The following CELF2 variants were observed in gnomAD, a reference collection of about 807,000 sequenced individuals.
The protein encoded by CELF2 is CUG triplet repeat RNA-binding protein 2.
Under a neutral mutation model 62.6 loss-of-function variants are expected in CELF2, and 8 were observed. That is an observed-to-expected ratio of 0.13 (90% CI 0.07 to 0.23). The LOEUF (loss-of-function observed/expected upper bound fraction) is 0.23. Among genes scored for constraint, CELF2 ranks in the 10% least tolerant of loss-of-function variants. The pLI, the probability that CELF2 is intolerant of heterozygous loss-of-function variation, is 1.00. For synonymous variants in CELF2, 258 were observed against 250.0 expected (o/e 1.03, Z -0.30); for missense variants, 333 against 671.0 (o/e 0.50, Z 5.56).
chr10:10,979,912 GAA>G (rs1037916225), intron 2 of CELF2, among the ~76,000 whole-genome samples: 26 of 152,160 alleles, frequency 1.7e-4, no homozygotes, highest in Non-Finnish European at 2.4e-4. Context: ...TTTTTGATAA[GAA>G]GAGATTCTCT....
intron 2 of CELF2, among the ~76,000 whole-genome samples, chr10:10,977,315 C>T (rs1157862172): frequency 2.0e-5 from 3 of 152,182 alleles, no homozygotes; most frequent in Non-Finnish European, 4.4e-5. Context: ...CTTAGTGATG[C>T]TGCAGGTCCA....
intron 1 of CELF2, among the ~76,000 whole-genome samples, chr10:10,817,263 C>T (rs935211864): frequency 2.0e-5 from 3 of 152,112 alleles, no homozygotes; most frequent in African/African-American, 7.2e-5. Context: ...TGTTTTGATA[C>T]AGGCATGCAA....
At chr10:10,940,172 C>T (rs1176442570) in intron 2 of CELF2, among the ~76,000 whole-genome samples, 3 of 152,210 alleles carry the variant, frequency 2.0e-5, no homozygotes, top group African/African-American at 4.8e-5. Context: ...CTCTATATGT[C>T]AGCTACCTTA....
chr10:11,101,305 G>T (rs905971906), intron 1 of CELF2, among the ~76,000 whole-genome samples: 1 of 152,158 alleles, frequency 6.6e-6, no homozygotes, highest in African/African-American at 2.4e-5. Flanking sequence ...ATAGAAAATA[G>T]GATGTACAGA....
the CELF2 span, among the ~76,000 whole-genome samples, chr10:10,741,786 T>C: frequency 1.6e-4 from 25 of 152,190 alleles, no homozygotes; most frequent in African/African-American, 5.3e-4. Flanking sequence ...TTGAAATTAC[T>C]TGTCATAGGG....
the CELF2 span, among the ~76,000 whole-genome samples, chr10:10,547,748 G>C: frequency 6.6e-6 from 1 of 150,554 alleles, no homozygotes; most frequent in South Asian, 2.1e-4. Context: ...CAATAAGCTT[G>C]TAAATGTCCA....
At chr10:10,588,709 C>A in the CELF2 span, among the ~76,000 whole-genome samples, 20 of 152,228 alleles carry the variant, frequency 1.3e-4, no homozygotes, top group African/African-American at 4.6e-4. Flanking sequence ...CAAAATAGGT[C>A]AAGGGGTAAA....
At chr10:10,605,452 A>G in the CELF2 span, among the ~76,000 whole-genome samples, 1 of 152,152 alleles carries the variant, frequency 6.6e-6, no homozygotes, top group South Asian at 2.1e-4. Context: ...TAAAAACATA[A>G]CTCCTACTAT....
intron 1 of CELF2, among the ~76,000 whole-genome samples, chr10:11,025,438 A>G (rs1465090885): frequency 6.6e-6 from 1 of 151,964 alleles, no homozygotes; most frequent in Non-Finnish European, 1.5e-5. Flanking sequence ...ACGAGATCCG[A>G]TGGTTTTATA....
chr10:10,575,971 A>C, the CELF2 span, among the ~76,000 whole-genome samples: 2 of 152,312 alleles, frequency 1.3e-5, no homozygotes, highest in East Asian at 3.9e-4. Context: ...ATCAAAGTAG[A>C]TTTTAAATCA....
chr10:10,496,839 A>G, the CELF2 span, among the ~76,000 whole-genome samples: 1 of 152,146 alleles, frequency 6.6e-6, no homozygotes, highest in Non-Finnish European at 1.5e-5. Context: ...AGGGAGGGTC[A>G]ATAATGAAGG....
At chr10:11,245,735 T>C (rs751074435) in intron 3 of CELF2, among the ~76,000 whole-genome samples, 1 of 152,210 alleles carries the variant, frequency 6.6e-6, no homozygotes, top group African/African-American at 2.4e-5. Flanking sequence ...GATCAGGTCC[T>C]ACAGGAGTTG....
chr10:10,955,644 G>T (rs1260039193), intron 2 of CELF2, among the ~76,000 whole-genome samples: 1 of 152,152 alleles, frequency 6.6e-6, no homozygotes, highest in Non-Finnish European at 1.5e-5. Flanking sequence ...CTGCGCCCAG[G>T]TCACACAGCG....
At chr10:11,141,258 G>A (rs1336739345) in intron 1 of CELF2, among the ~76,000 whole-genome samples, 2 of 152,144 alleles carry the variant, frequency 1.3e-5, no homozygotes, top group Non-Finnish European at 2.9e-5. Context: ...CCTGAGAAGT[G>A]TTGTGAAGTT....
intron 2 of CELF2, among the ~76,000 whole-genome samples, chr10:10,986,844 C>T (rs72772078): frequency 0.042 from 6,429 of 152,206 alleles, 197 homozygotes; most frequent in Non-Finnish European, 0.07. Flanking sequence ...GCGTTCTTAC[C>T]ACCAAATATA....
rs192461975 is a variant in CELF2 at position 10,849,322 on chromosome 10, A to T, written c.53+50505A>T. Among the ~76,000 whole-genome samples, 8 of 152,158 alleles carry T rather than the reference A, an allele frequency of 5.3e-5. No individual in the cohort carries two copies. The East Asian group carries it at 1.5e-3, about 29-fold the overall frequency. ...CTACTTGGGAGGATGAGGCAGAAGA[A>T]TCACGAACCAGGAGGCAGAGGTTGC... On this transcript the variant is annotated intron_variant, in intron 1 of 13. Coordinates refer to the CELF2 transcript ENST00000636488.
intron 1 of CELF2, among the ~76,000 whole-genome samples, chr10:11,131,707 T>G (rs935957557): frequency 2.0e-5 from 3 of 152,240 alleles, no homozygotes; most frequent in Non-Finnish European, 4.4e-5. Context: ...AGCTATAAAC[T>G]GTGATCCATA....
rs894631944 is a variant in CELF2 at position 11,331,965 on chromosome 10, C to T, written c.*2912C>T. 2 of 152,162 alleles carry T rather than the reference C, an allele frequency of 1.3e-5. No homozygotes were observed. The highest frequency in any genetic ancestry group is 2.4e-5 in the African/African-American group (1 of 41,408). 9.4% of individuals were successfully genotyped at this position (152,162 alleles called of 1,614,324 possible). A position where few individuals can be genotyped will look rare whatever the true frequency, so the allele number is the denominator to read the frequency against. ...CCTGCATCTATCCTCTAAGTTGTTT[C>T]GGTTTGACTACTTTGTTCTTTGGTT... On this transcript the variant is annotated 3_prime_UTR_variant, in exon 13 of 13. Coordinates refer to ENST00000633077, the MANE Select transcript of CELF2 (RefSeq NM_001326342.2).
At chr10:10,574,872 GTTTTTTTTTT>G in the CELF2 span, among the ~76,000 whole-genome samples, 5,254 of 106,028 alleles carry the variant, frequency 0.05, 361 homozygotes, top group African/African-American at 0.16. Context: ...ACCATGCCTG[GTTTTTTTTTT>G]TTTTTTTTTT....
Sources: gnomAD v4.1 joint callset for allele counts (sites outside exome capture counted in the v4.1 genomes callset) on GRCh38, gnomAD v4.1.1 for gene constraint, MANE v1.5 for transcripts, NCBI Gene and HGNC (gene_info 2026-07-23, HGNC 2026-07-21) for gene names.